The following GPRC5C variants were observed in gnomAD, a reference collection of about 807,000 sequenced individuals.
GPRC5C encodes the protein G protein-coupled receptor class C group 5 member C, also known as G protein-coupled receptor family C group 5 member C.
GPRC5C carries 22 observed loss-of-function variants against 31.4 expected under a neutral mutation model. The observed-to-expected ratio is 0.70, with a 90% CI of 0.50 to 1.00. GPRC5C has a LOEUF of 1.00. Among genes scored for constraint, GPRC5C ranks in the 50% least tolerant of loss-of-function variants. The pLI, the probability that GPRC5C is intolerant of heterozygous loss-of-function variation, is 0.00. For synonymous variants in GPRC5C, 249 were observed against 257.5 expected (o/e 0.97, Z 0.32); for missense variants, 557 against 597.2 (o/e 0.93, Z 0.70).
rs2055642582 is a variant in GPRC5C at position 74,446,792 on chromosome 17, C to T, written c.1147-57C>T. 4.3e-6 allele frequency: 6 copies of T among 1,383,494 alleles called. No individual in the cohort carries two copies. In the East Asian group the frequency reaches 1.2e-4, roughly 27 times the overall value. 85.7% of individuals were successfully genotyped at this position (1,383,494 alleles called of 1,614,324 possible). On this transcript the variant is annotated intron_variant, in intron 3 of 3. Transcript: ENST00000392627. Reference sequence around the variant, plus strand: ...CTGCAGGAAGTGTTTGTGCATCCGCCCCGGCGGAACCTGGCTCCCAATCCC... The same window carrying T: ...CTGCAGGAAGTGTTTGTGCATCCGCTCCGGCGGAACCTGGCTCCCAATCCC...
At chr17:74,446,735 G>C (rs913459868) in intron 3 of GPRC5C, 114 bp from the exon 4 acceptor site, 4 of 801,840 alleles carry the variant, frequency 5.0e-6, no homozygotes, top group South Asian at 1.7e-5. Context: ...GGAGCCGAGG[G>C]GGGAGTTGGG....
chr17:74,446,650 C>T, intron 3 of GPRC5C, 199 bp from the exon 4 acceptor site: 1 of 567,820 alleles, frequency 1.8e-6, no homozygotes, highest in Admixed American at 3.1e-5. Context: ...TTCCCATGCC[C>T]AGAGGCAGGG....
intron 3 of GPRC5C, among the ~76,000 whole-genome samples, chr17:74,444,488 A>G (rs1227751543): frequency 2.0e-5 from 3 of 151,580 alleles, no homozygotes; most frequent in African/African-American, 7.3e-5. Flanking sequence ...GATTCTACTC[A>G]CTCCTATATG....
At chr17:74,442,451 C>A (rs938574931) in intron 2 of GPRC5C, among the ~76,000 whole-genome samples, 1 of 152,206 alleles carries the variant, frequency 6.6e-6, no homozygotes, top group African/African-American at 2.4e-5. Flanking sequence ...CCATTGCACG[C>A]ATCCCACCTG....
intron 2 of GPRC5C, chr17:74,443,255 T>A (rs1270243909): frequency 4.5e-6 from 1 of 221,736 alleles, no homozygotes; most frequent in Non-Finnish European, 9.0e-6. Context: ...TCTGGAAACT[T>A]GCCAGGGGGC....
Position 74,440,571 on chromosome 17 carries a change from CG to C in GPRC5C, c.797del (p.Gly266AlafsTer38). On this transcript the variant is annotated frameshift_variant, in exon 2 of 4. Coordinates refer to ENST00000392627, the MANE Select transcript of GPRC5C (RefSeq NM_022036.4). LOFTEE classifies it high-confidence loss of function. This position sits in a 1 kb window ranked among gnomAD's most constrained non-coding sequence, Gnocchi z 4.4. ...WVVWIVMYTY[G>X]NKQHNSPTWD... ...TGGTGTGGATCGTCATGTATACTTA[CG>C]GCAACAAGCAGCACAACAGTCCCAC... is the stretch of plus-strand genomic sequence containing the variant. 6.2e-7 allele frequency: 1 copy of C among 1,614,004 alleles called. No individual in the cohort carries two copies. Among genetic ancestry groups the C allele is most frequent in the Non-Finnish European group, 8.5e-7 (1 of 1,180,002 alleles).
intron 1 of GPRC5C, among the ~76,000 whole-genome samples, chr17:74,433,531 C>T (rs1452515970): frequency 1.3e-5 from 2 of 152,166 alleles, no homozygotes; most frequent in Non-Finnish European, 2.9e-5. Context: ...ATGGGGTAAA[C>T]GCCTGAGCGC....
chr17:74,447,596 G>A (rs1175032469), downstream of GPRC5C, among the ~76,000 whole-genome samples: 4 of 152,210 alleles, frequency 2.6e-5, no homozygotes, highest in Non-Finnish European at 5.9e-5. Context: ...CCTCTCCCCA[G>A]TGAGTGGTTC....
downstream of GPRC5C, among the ~76,000 whole-genome samples, chr17:74,448,304 AAAAG>A (rs1312664707): frequency 1.3e-5 from 2 of 152,352 alleles, no homozygotes; most frequent in East Asian, 3.9e-4. Flanking sequence ...CTGTCTCAAA[AAAAG>A]AAAGTCAGTT....
intron 1 of GPRC5C, among the ~76,000 whole-genome samples, chr17:74,435,891 C>A (rs1298804665): frequency 6.6e-6 from 1 of 152,208 alleles, no homozygotes; most frequent in Non-Finnish European, 1.5e-5. Context: ...CCTTTTCCCC[C>A]ACCTCCGCCA....
intron 3 of GPRC5C, among the ~76,000 whole-genome samples, chr17:74,444,672 C>T (rs2144441179): frequency 6.6e-6 from 1 of 152,286 alleles, no homozygotes; most frequent in Admixed American, 6.5e-5. Context: ...GCTTCCAATC[C>T]CAGCGCCTCC....
At chr17:74,445,251 A>G (rs1003912168) in intron 3 of GPRC5C, 1 of 140,028 alleles carries the variant, frequency 7.1e-6, no homozygotes, top group African/African-American at 3.3e-5. Flanking sequence ...CTCTGTCTCC[A>G]AAAATAAATA....
chr17:74,445,993 C>CAA (rs1555634016), intron 3 of GPRC5C: 2 of 92,544 alleles, frequency 2.2e-5, no homozygotes, highest in Non-Finnish European at 3.9e-5. Context: ...ACCCCCCCCC[C>CAA]CCGCCCACCA....
chr17:74,439,391 TG>T (rs2055490674), intron 1 of GPRC5C, among the ~76,000 whole-genome samples: 1 of 152,226 alleles, frequency 6.6e-6, no homozygotes, highest in African/African-American at 2.4e-5. Context: ...GTGGTATGCT[TG>T]GTCTTGACTT....
intron 1 of GPRC5C, among the ~76,000 whole-genome samples, chr17:74,432,939 G>A (rs535228280): frequency 6.6e-6 from 1 of 152,140 alleles, no homozygotes; most frequent in South Asian, 2.1e-4. Context: ...GGGAGCGCAG[G>A]TGTAGACCCC....
At position 74,439,908 on chromosome 17, in the gene GPRC5C, C is replaced by A. The variant is rs200618668; in HGVS notation, c.132C>A (p.Asp44Glu). 28 of 1,612,776 alleles carry A rather than the reference C, an allele frequency of 1.7e-5. No individual in the cohort carries two copies. Among genetic ancestry groups the A allele is most frequent in the Non-Finnish European group, 2.4e-5 (28 of 1,180,042 alleles). The change falls in exon 2 of 4, where the codon GAC (aspartate) becomes GAA (glutamate). Residue 44 changes from aspartate to glutamate, a missense_variant. Physicochemically the swap from Asp to Glu is conservative, Grantham distance 45. Coordinates refer to ENST00000392627, the MANE Select transcript of GPRC5C (RefSeq NM_022036.4). ...ACCCCCTGTACTACAACCTGTGTGA[C>A]CGCTCTGGGGCGTGGGGCATCGTCC... ...GLNPLYYNLC[D>E]RSGAWGIVLE...
At chr17:74,443,570 T>A in intron 2 of GPRC5C, 1 of 651,370 alleles carries the variant, frequency 1.5e-6, no homozygotes. Context: ...GTGTCTACAG[T>A]GCAGGGAAGC....
At chr17:74,448,385 A>AT (rs895307332), downstream of GPRC5C, among the ~76,000 whole-genome samples, 48 of 150,208 alleles carry the variant, frequency 3.2e-4, no homozygotes, top group South Asian at 1.9e-3. Flanking sequence ...ATTTAATTTA[A>AT]TTTTTTTTTT....
At chr17:74,444,989 C>T (rs2055604369) in intron 3 of GPRC5C, among the ~76,000 whole-genome samples, 1 of 152,186 alleles carries the variant, frequency 6.6e-6, no homozygotes, top group Non-Finnish European at 1.5e-5. Flanking sequence ...ATGGCTCACA[C>T]CTGTAATCCC....
Sources: gnomAD v4.1 joint callset for allele counts (sites outside exome capture counted in the v4.1 genomes callset) on GRCh38, gnomAD v4.1.1 for gene constraint, Gnocchi (gnomAD v3.1) non-coding constraint, MANE v1.5 for transcripts, NCBI Gene and HGNC (gene_info 2026-07-23, HGNC 2026-07-21) for gene names.